Variants in CNPPD1 observed in about 807,000 individuals in gnomAD.
The protein encoded by CNPPD1 is protein CNPPD1.
A neutral mutation model predicts 43.7 loss-of-function variants in CNPPD1; 40 were observed. The ratio of observed to expected loss-of-function variants is 0.92; its 90% CI spans 0.71 to 1.19. The LOEUF (loss-of-function observed/expected upper bound fraction) is 1.19. Ranked by LOEUF, CNPPD1 falls within the 50% of genes most tolerant of loss-of-function variation. The pLI, the probability that CNPPD1 is intolerant of heterozygous loss-of-function variation, is 0.00. For synonymous variants in CNPPD1, 208 were observed against 214.3 expected, an observed-to-expected ratio of 0.97 and a Z score of 0.26; for missense variants, 511 against 518.5, an observed-to-expected ratio of 0.99 and a Z score of 0.14.
At position 219,176,896 on chromosome 2, in the gene CNPPD1, G is replaced by A. The variant is rs867509435; in HGVS notation, c.-68C>T. The A allele has an allele frequency of 7.4e-7, 1 of 1,349,896 alleles. No homozygotes were observed. Among genetic ancestry groups the A allele is most frequent in the African/African-American group, 1.5e-5 (1 of 67,450 alleles). 83.6% of individuals were successfully genotyped at this position (1,349,896 alleles called of 1,614,324 possible). A position where few individuals can be genotyped will look rare whatever the true frequency, so the allele number is the denominator to read the frequency against. Reference sequence around the variant, plus strand: ...CGAGTTGTAGGGGGCTCGCGGAGCTGTCCTTGCCCGCCTGTCCACCTGCCA... The same window carrying A: ...CGAGTTGTAGGGGGCTCGCGGAGCTATCCTTGCCCGCCTGTCCACCTGCCA... On this transcript the variant is annotated 5_prime_UTR_variant, in exon 1 of 8. Transcript: ENST00000360507.
intron 2 of CNPPD1, among the ~76,000 whole-genome samples, 199 bp downstream of exon 2, chr2:219,176,024 T>C (rs1268999702): frequency 6.6e-6 from 1 of 152,230 alleles, no homozygotes; most frequent in Non-Finnish European, 1.5e-5. Flanking sequence ...GTGATTTGTA[T>C]AGATATATGT....
At chr2:219,174,367 A>T (rs906965818) in intron 5 of CNPPD1, among the ~76,000 whole-genome samples, 160 bp from the exon 6 acceptor site, 1 of 152,152 alleles carries the variant, frequency 6.6e-6, no homozygotes, top group African/African-American at 2.4e-5. Context: ...ACATTAACTC[A>T]TTGAATCACC....
At chr2:219,178,030 C>T (rs1950205297), upstream of CNPPD1, 1 of 170,016 alleles carries the variant, frequency 5.9e-6, no homozygotes, top group Non-Finnish European at 1.2e-5. Flanking sequence ...CCTAGCCGCC[C>T]TGCCTACTGT....
At chr2:219,177,973 A>G (rs1574778460), upstream of CNPPD1, 3 of 155,010 alleles carry the variant, frequency 1.9e-5, no homozygotes, top group South Asian at 6.2e-4. Flanking sequence ...GGAATCTGGA[A>G]GCCCACTTCC....
At position 219,176,495 on chromosome 2, in the gene CNPPD1, T is replaced by A. The variant is rs1950164011; in HGVS notation, c.70-164A>T. 4 of 601,396 alleles carry A rather than the reference T, an allele frequency of 6.7e-6. No homozygotes were observed. In the East Asian group the frequency reaches 1.1e-4, roughly 17 times the overall value. 37.3% of individuals were successfully genotyped at this position (601,396 alleles called of 1,614,324 possible). A position where few individuals can be genotyped will look rare whatever the true frequency, so the allele number is the denominator to read the frequency against. On this transcript the variant is annotated intron_variant, in intron 1 of 7. Coordinates refer to ENST00000360507, the MANE Select transcript of CNPPD1 (RefSeq NM_015680.6). Reference sequence around the variant, plus strand: ...TGTAAATCGCTTGCCAATGGCAGCCTGGTCCATAGAGGGAGGAATGCCCCC... The same window carrying A: ...TGTAAATCGCTTGCCAATGGCAGCCAGGTCCATAGAGGGAGGAATGCCCCC...
In CNPPD1 at chr2:219,172,355, C is replaced by G; in HGVS notation, c.*231G>C. On this transcript the variant is annotated 3_prime_UTR_variant, in exon 8 of 8. Coordinates refer to ENST00000360507, the MANE Select transcript of CNPPD1 (RefSeq NM_015680.6). ...CCATCTGGGACATGTCCCTGGTCAC[C>G]AAGCGGAAGCTCTCCCTGGCGGCAT... The G allele has an allele frequency of 1.7e-6, 1 of 580,566 alleles. No individual in the cohort carries two copies. The highest frequency in any genetic ancestry group is 2.1e-5 in the South Asian group (1 of 48,680). The allele number at this position is 580,566 out of a possible 1,614,324, so 36.0% of individuals were successfully genotyped here.
chr2:219,172,478 G>T lies in CNPPD1; in HGVS notation c.*108C>A. 8.4e-7 allele frequency: 1 copy of T among 1,186,926 alleles called. No homozygotes were observed. Among genetic ancestry groups the T allele is most frequent in the Non-Finnish European group, 1.2e-6 (1 of 811,216 alleles). The allele number at this position is 1,186,926 out of a possible 1,614,324, so 73.5% of individuals were successfully genotyped here. ...CCATAAGCTCCCACCCAGGAGGACA[G>T]GGGACCTGCCAAGGACCCAGCGAGG... On this transcript the variant is annotated 3_prime_UTR_variant, in exon 8 of 8. Transcript: ENST00000360507.
intron 3 of CNPPD1, among the ~76,000 whole-genome samples, 153 bp downstream of exon 3, chr2:219,175,438 G>A (rs1950143275): frequency 6.6e-6 from 1 of 151,672 alleles, no homozygotes; most frequent in Non-Finnish European, 1.5e-5. Context: ...CGGAGGTTGC[G>A]GTGAGCCGAG....
chr2:219,175,463 C>T (rs1950143597), intron 3 of CNPPD1, 128 bp downstream of exon 3: 4 of 932,718 alleles, frequency 4.3e-6, no homozygotes, highest in African/African-American at 3.3e-5. Context: ...TGCCACTGCA[C>T]TCCAGCCTGG....
rs1209121590 is a variant in CNPPD1 at position 219,172,908 on chromosome 2, C to A, written c.911G>T (p.Gly304Val). ...NVSSCLEGSMGLRSLWGSLLA... is the reference protein window; with the variant it reads ...NVSSCLEGSMVLRSLWGSLLA... Reference sequence around the variant, plus strand: ...AAGACTGCCCCAGAGTGACCGCAGCCCCATGCTGCCTTCCAGGCAGCTGGA... The same window carrying A: ...AAGACTGCCCCAGAGTGACCGCAGCACCATGCTGCCTTCCAGGCAGCTGGA... Residue 304 changes from glycine to valine, a missense_variant, in exon 8 of 8, where the codon GGG becomes GTG. Physicochemically the swap from Gly to Val is moderately radical, Grantham distance 109 (BLOSUM62 -3). Transcript: ENST00000360507. 6.2e-7 allele frequency: 1 copy of A among 1,611,532 alleles called. No homozygotes were observed. Among genetic ancestry groups the A allele is most frequent in the African/African-American group, 1.3e-5 (1 of 74,868 alleles).
In CNPPD1 at chr2:219,172,188, G is replaced by A. The variant is rs1338128508; in HGVS notation, c.*398C>T. ...ATCAGTCCCCGGCTCTTCTGCCTCA[G>A]GGACATCACACAGGCCCATGCCAAC... On this transcript the variant is annotated 3_prime_UTR_variant, in exon 8 of 8. Transcript: ENST00000360507. 3.9e-6 allele frequency: 1 copy of A among 257,038 alleles called. No homozygotes were observed. The allele number at this position is 257,038 out of a possible 1,614,324, so 15.9% of individuals were successfully genotyped here.
chr2:219,177,858 T>C (rs1950202296), upstream of CNPPD1: 1 of 152,278 alleles, frequency 6.6e-6, no homozygotes, highest in Non-Finnish European at 1.5e-5. Context: ...GTTTACCCAC[T>C]GAGGGGAGGG....
chr2:219,175,165 C>T, intron 3 of CNPPD1, 57 bp from the exon 4 acceptor site: 1 of 1,518,458 alleles, frequency 6.6e-7, no homozygotes, highest in Non-Finnish European at 8.8e-7. Flanking sequence ...TCTTGCAAGT[C>T]TTATGATGCT....
Position 219,176,803 on chromosome 2 carries a change from T to A in CNPPD1, c.26A>T (p.Asp9Val). MDLTGLLLDEEGTFSLAGF... is the reference protein window; with the variant it reads MDLTGLLLVEEGTFSLAGF... ...GGCGAGGGAGAAGGTGCCTTCTTCG[T>A]CCAGCAGGAGCCCGGTCAGGTCCAT... Residue 9 changes from aspartate (D) to valine (V), a missense_variant, in exon 1 of 8, where the codon GAC becomes GTC. Transcript: ENST00000360507. 1 of 1,583,736 alleles carries A rather than the reference T, an allele frequency of 6.3e-7. No individual in the cohort carries two copies. Among genetic ancestry groups the A allele is most frequent in the Non-Finnish European group, 8.6e-7 (1 of 1,165,648 alleles).
intron 6 of CNPPD1, 80 bp downstream of exon 6, chr2:219,174,066 G>T: frequency 1.5e-6 from 2 of 1,345,296 alleles, no homozygotes; most frequent in Non-Finnish European, 2.1e-6. Flanking sequence ...CAGTTACACA[G>T]ACTCTCATCT....
chr2:219,173,374 G>A lies in CNPPD1; in HGVS notation c.666C>T (p.Gly222=), dbSNP rs767573377. 7 of 1,613,472 alleles carry A rather than the reference G, an allele frequency of 4.3e-6. No homozygotes were observed. In the Admixed American group the frequency reaches 1.0e-4, roughly 23 times the overall value. The part of the protein sequence containing the change: ...LEQPTWQLAL[G]SLCQRLVKLS... Reference sequence around the variant, plus strand: ...CCTTTACCAGCCGCTGGCAGAGGGAGCCCAGGGCCAACTGCCAGGTCGGCT... The same window carrying A: ...CCTTTACCAGCCGCTGGCAGAGGGAACCCAGGGCCAACTGCCAGGTCGGCT... Residue 222 remains glycine, a synonymous_variant, in exon 7 of 8, where the codon GGC becomes GGT. Coordinates refer to ENST00000360507, the MANE Select transcript of CNPPD1 (RefSeq NM_015680.6).
chr2:219,174,005 G>C (rs1184867586), intron 6 of CNPPD1, 141 bp downstream of exon 6: 2 of 800,518 alleles, frequency 2.5e-6, no homozygotes, highest in East Asian at 4.9e-5. Flanking sequence ...AGGACAGATG[G>C]GTCTGGGAAC....
chr2:219,173,229 C>T, intron 7 of CNPPD1, 101 bp from the exon 8 acceptor site: 3 of 1,420,334 alleles, frequency 2.1e-6, no homozygotes, highest in Non-Finnish European at 2.9e-6. Flanking sequence ...TAGCCATTTA[C>T]ACCCCACTCT....
In CNPPD1 at chr2:219,176,275, G is replaced by A. The variant is rs986118315; in HGVS notation, c.126C>T (p.Gly42=). The change falls in exon 2 of 8, where the codon GGC becomes GGT. Residue 42 remains glycine, a synonymous_variant. Transcript: ENST00000360507. ...SARIRRRLYY[G]WDWEADCSLE... is the part of the protein sequence containing the mutation. ...GGCTACAGTCGGCTTCCCAGTCCCA[G>A]CCATAGTAGAGCCTCCTTCGGATCC... The A allele has an allele frequency of 6.2e-7, 1 of 1,614,200 alleles. No individual in the cohort carries two copies. Among genetic ancestry groups the A allele is most frequent in the East Asian group, 2.2e-5 (1 of 44,874 alleles).
Sources: allele counts gnomAD v4.1 joint callset (sites outside exome capture counted in the v4.1 genomes callset), GRCh38; gene constraint gnomAD v4.1.1; transcripts MANE v1.5; gene names NCBI Gene and HGNC (gene_info 2026-07-23, HGNC 2026-07-21).